Variants in ABCA3 observed in about 807,000 individuals in gnomAD.
The protein encoded by ABCA3 is ATP binding cassette subfamily A member 3.
In ABCA3, 88 loss-of-function variants were observed where a neutral mutation model predicts 172.8. The observed-to-expected ratio is 0.51, with a 90% confidence interval of 0.43 to 0.61. ABCA3 has a LOEUF of 0.61. Ranked by LOEUF, ABCA3 falls within the 20% of genes least tolerant of loss-of-function variation. ABCA3 has a pLI of 0.00. For missense variants in ABCA3, 2,164 were observed against 2,301.0 expected (o/e 0.94, Z 1.22); for synonymous variants, 1,066 against 983.8 (o/e 1.08, Z -1.56).
chr16:2,299,361 G>C (rs1475843658), intron 14 of ABCA3, 42 bp downstream of exon 14: 18 of 1,611,112 alleles, frequency 1.1e-5, no homozygotes, highest in Non-Finnish European at 1.5e-5. Flanking sequence ...GTGTTAAAGG[G>C]GGGCCTGCTG....
chr16:2,302,827 C>T (rs1280414134), intron 12 of ABCA3, among the ~76,000 whole-genome samples: 3 of 149,994 alleles, frequency 2.0e-5, no homozygotes, highest in Admixed American at 6.7e-5. Context: ...CTCGCTCTGT[C>T]GCCCAGGTTG....
chr16:2,338,915 C>T (rs1369306094), intron 1 of ABCA3, among the ~76,000 whole-genome samples: 1 of 151,904 alleles, frequency 6.6e-6, no homozygotes, highest in Non-Finnish European at 1.5e-5. Flanking sequence ...CCACCATGCC[C>T]GGCTAATTTT....
chr16:2,277,071 T>C lies in ABCA3; in HGVS notation c.4984-266A>G, dbSNP rs2093647653. Among the ~76,000 whole-genome samples, 1 of 152,202 alleles carries C rather than the reference T, an allele frequency of 6.6e-6. No homozygotes were observed. Among genetic ancestry groups the C allele is most frequent in the Non-Finnish European group, 1.5e-5 (1 of 68,044 alleles). ...TCAGATTACAACCTTGAGCCAGTGA[T>C]GTTCCCTTTCTGAGCCAGTTCTTTT... On this transcript the variant is annotated intron_variant, in intron 32 of 32. Coordinates refer to ENST00000301732, the MANE Select transcript of ABCA3 (RefSeq NM_001089.3). This position sits in a 1 kb window ranked among gnomAD's most constrained non-coding sequence, Gnocchi z 5.3.
At chr16:2,289,963 A>ACT (rs1555487811) in intron 19 of ABCA3, among the ~76,000 whole-genome samples, 11 of 80,104 alleles carry the variant, frequency 1.4e-4, no homozygotes, top group Admixed American at 7.0e-4. Context: ...GAATTACATC[A>ACT]CACACACACA....
At chr16:2,315,657 C>G (rs2093714091) in intron 10 of ABCA3, among the ~76,000 whole-genome samples, 1 of 151,874 alleles carries the variant, frequency 6.6e-6, no homozygotes, top group Admixed American at 6.6e-5. Flanking sequence ...TAGGAAGTAA[C>G]TGCTTATGAT....
At chr16:2,282,936 C>G (rs775434393) in intron 26 of ABCA3, among the ~76,000 whole-genome samples, 1 of 152,248 alleles carries the variant, frequency 6.6e-6, no homozygotes, top group Non-Finnish European at 1.5e-5. Context: ...CTCTCCTCAG[C>G]AGGACGGCCC....
At chr16:2,295,253 A>C (rs1258942268) in intron 18 of ABCA3, among the ~76,000 whole-genome samples, 1 of 152,200 alleles carries the variant, frequency 6.6e-6, no homozygotes, top group Non-Finnish European at 1.5e-5. Flanking sequence ...ACTCGGTTTC[A>C]CGAGTAGTTC....
In ABCA3 at chr16:2,278,461, A is replaced by C; in HGVS notation, c.4548-3T>G. 1 of 1,611,306 alleles carries C rather than the reference A, an allele frequency of 6.2e-7. No homozygotes were observed. Among genetic ancestry groups the C allele is most frequent in the Non-Finnish European group, 8.5e-7 (1 of 1,180,000 alleles). On this transcript the variant is annotated splice_polypyrimidine_tract_variant and splice_region_variant and intron_variant, in intron 29 of 32. Transcript: ENST00000301732. This position sits in a 1 kb window ranked among gnomAD's most constrained non-coding sequence, Gnocchi z 4.4. ...TCAGCTTCCGCTTGTTACCACCACT[A>C]GAGGCAGGAGGGTGCCAGGTGGGGG...
intron 14 of ABCA3, 143 bp downstream of exon 14, chr16:2,299,260 C>G: frequency 2.5e-6 from 3 of 1,221,354 alleles, no homozygotes; most frequent in Non-Finnish European, 3.5e-6. Context: ...TGCCCCTGGG[C>G]CTGCAGGGCT....
chr16:2,297,283 G>C lies in ABCA3; in HGVS notation c.2263+46C>G. 6.3e-7 allele frequency: 1 copy of C among 1,596,406 alleles called. No homozygotes were observed. The highest frequency in any genetic ancestry group is 8.5e-7 in the Non-Finnish European group (1 of 1,173,264). The stretch of plus-strand genomic sequence containing the variant: ...AAGGTAGCAGCCATTCCCTCAGCAC[G>C]GCAGCCAGGACACCGACCCTGTCGC... On this transcript the variant is annotated intron_variant, in intron 17 of 32. Coordinates refer to ENST00000301732, the MANE Select transcript of ABCA3 (RefSeq NM_001089.3). The surrounding 1 kb of genome is among the most constrained non-coding windows in gnomAD (Gnocchi z 5.6).
rs572361833 is a variant in ABCA3 at position 2,297,011 on chromosome 16, G to A, written c.2263+318C>T. Among the ~76,000 whole-genome samples, 4 of 152,302 alleles carry A rather than the reference G, an allele frequency of 2.6e-5. No homozygotes were observed. Among genetic ancestry groups the A allele is most frequent in the South Asian group, 2.1e-4 (1 of 4,832 alleles). On this transcript the variant is annotated intron_variant, in intron 17 of 32. Transcript: ENST00000301732. The surrounding 1 kb of genome is among the most constrained non-coding windows in gnomAD (Gnocchi z 5.6). ...TGGCCATGCTGTGAGCTGCTCTCAC[G>A]TGGGAGCTGCCATGTTGGTGCGTGT...
chr16:2,313,059 C>CA (rs1391585469), intron 10 of ABCA3, among the ~76,000 whole-genome samples: 4 of 151,008 alleles, frequency 2.6e-5, no homozygotes, highest in Admixed American at 6.6e-5. Flanking sequence ...TGTCTCAAAA[C>CA]AAAAAAAATT....
In ABCA3 at chr16:2,317,417, G is replaced by C. The variant is rs1294918295; in HGVS notation, c.991-14C>G. 10 of 1,613,114 alleles carry C rather than the reference G, an allele frequency of 6.2e-6. No individual in the cohort carries two copies. The highest frequency in any genetic ancestry group is 7.6e-6 in the Non-Finnish European group (9 of 1,179,966). On this transcript the variant is annotated splice_polypyrimidine_tract_variant and intron_variant, in intron 9 of 32. Coordinates refer to ENST00000301732, the MANE Select transcript of ABCA3 (RefSeq NM_001089.3). ...ATTTGGCTTCACCTGCAGGGCACAG[G>C]CATGAGTCGGGCGTGGTGGGCCGGC...
chr16:2,339,616 G>T (rs1367702284), intron 1 of ABCA3, among the ~76,000 whole-genome samples: 1 of 152,246 alleles, frequency 6.6e-6, no homozygotes, highest in Non-Finnish European at 1.5e-5. Context: ...CGTGCTCCCT[G>T]CCTGGGCTCC....
At position 2,281,247 on chromosome 16, in the gene ABCA3, G is replaced by C; in HGVS notation, c.4165-26C>G. ...CTGCAGGCACCCAACAGAAAACACG[G>C]AATGCGGAGGCCTGGACGCAAAGCA... is the stretch of plus-strand genomic sequence containing the variant. On this transcript the variant is annotated intron_variant, in intron 27 of 32. Coordinates refer to ENST00000301732, the MANE Select transcript of ABCA3 (RefSeq NM_001089.3). This position sits in a 1 kb window ranked among gnomAD's most constrained non-coding sequence, Gnocchi z 4.7. The C allele has an allele frequency of 6.2e-7, 1 of 1,613,276 alleles. No homozygotes were observed. The highest frequency in any genetic ancestry group is 8.5e-7 in the Non-Finnish European group (1 of 1,179,930).
chr16:2,323,195 A>G (rs2093728748), intron 7 of ABCA3: 2 of 425,820 alleles, frequency 4.7e-6, no homozygotes, highest in South Asian at 4.6e-5. Flanking sequence ...GAACACTTTT[A>G]CACTGTTGGT....
At position 2,317,376 on chromosome 16, in the gene ABCA3, G is replaced by A. The variant is rs760874963; in HGVS notation, c.1018C>T (p.Arg340Cys). 3.6e-5 allele frequency: 58 copies of A among 1,613,784 alleles called. No homozygotes were observed. Among genetic ancestry groups the A allele is most frequent in the Middle Eastern group, 1.6e-4 (1 of 6,084 alleles). Reference protein sequence around the residue: ...KVKPNVAVLSRSDPSLVLAFL... With the variant: ...KVKPNVAVLSCSDPSLVLAFL... ...GCGAGCACCAGGGAGGGGTCGCTGC[G>A]GGACAGCACGGCTACATTTGGCTTC... is the stretch of plus-strand genomic sequence containing the variant. Residue 340 changes from arginine to cysteine, a missense_variant, in exon 10 of 33, where the codon CGC becomes TGC. Transcript: ENST00000301732.
intron 10 of ABCA3, among the ~76,000 whole-genome samples, chr16:2,313,884 T>G (rs1032211182): frequency 6.8e-6 from 1 of 146,374 alleles, no homozygotes; most frequent in Admixed American, 6.8e-5. Context: ...AGAGCGAGAT[T>G]CCATCTCAAA....
intron 19 of ABCA3, 34 bp downstream of exon 19, chr16:2,292,106 A>G: frequency 6.5e-7 from 1 of 1,541,704 alleles, no homozygotes; most frequent in Non-Finnish European, 9.0e-7. Context: ...CACGGAGCCC[A>G]GTCCTAGGTG....
Sources: gnomAD v4.1 joint callset for allele counts (sites outside exome capture counted in the v4.1 genomes callset) on GRCh38, gnomAD v4.1.1 for gene constraint, Gnocchi (gnomAD v3.1) non-coding constraint, MANE v1.5 for transcripts, NCBI Gene and HGNC (gene_info 2026-07-23, HGNC 2026-07-21) for gene names.